MAD1L1: variants seen among roughly 807,000 people sequenced by gnomAD.
The protein encoded by MAD1L1 is mitotic spindle assembly checkpoint protein MAD1.
A neutral mutation model predicts 96.9 loss-of-function variants in MAD1L1; 95 were observed. The observed-to-expected ratio is 0.98, with a 90% CI of 0.83 to 1.16. MAD1L1 has a LOEUF of 1.16. Among genes scored for constraint, MAD1L1 ranks in the 50% most tolerant of loss-of-function variants. MAD1L1 has a pLI of 0.00. For missense variants in MAD1L1, 1,007 were observed against 954.4 expected (o/e 1.06, Z -0.73); for synonymous variants, 473 against 396.6 (o/e 1.19, Z -2.29).
At chr7:2,231,290 A>G (rs537612810) in intron 1 of MAD1L1, among the ~76,000 whole-genome samples, 113 of 151,324 alleles carry the variant, frequency 7.5e-4, no homozygotes, top group African/African-American at 2.5e-3. Context: ...GGGGTGAGAC[A>G]GTGTCTCAAA....
chr7:1,902,289 G>A (rs775756474), intron 17 of MAD1L1, among the ~76,000 whole-genome samples: 9 of 152,186 alleles, frequency 5.9e-5, no homozygotes, highest in African/African-American at 9.7e-5. Flanking sequence ...ACTGAGGGCC[G>A]GGATGTCAGG....
chr7:2,124,587 ACT>A (rs1394274490), intron 11 of MAD1L1, among the ~76,000 whole-genome samples: 1 of 152,006 alleles, frequency 6.6e-6, no homozygotes, highest in Non-Finnish European at 1.5e-5. Flanking sequence ...GGCTAGGAAG[ACT>A]CTGGCAGAGA....
chr7:2,167,558 T>A (rs1425639184), intron 10 of MAD1L1, among the ~76,000 whole-genome samples: 1 of 150,744 alleles, frequency 6.6e-6, no homozygotes, highest in African/African-American at 2.4e-5. Flanking sequence ...CAAAAAATAA[T>A]AATAATAATA....
intron 9 of MAD1L1, 148 bp from the exon 10 acceptor site, chr7:2,213,421 T>A: frequency 2.8e-6 from 2 of 711,224 alleles, no homozygotes; most frequent in Non-Finnish European, 4.9e-6. Flanking sequence ...GCTCCAAGTC[T>A]GCTTGGAAGT....
chr7:2,125,371 G>A (rs965461772), intron 11 of MAD1L1, among the ~76,000 whole-genome samples: 2 of 152,128 alleles, frequency 1.3e-5, no homozygotes, highest in African/African-American at 2.4e-5. Context: ...AGCCACCCAC[G>A]CATCCTTCCT....
intron 10 of MAD1L1, among the ~76,000 whole-genome samples, chr7:2,194,411 G>A (rs866379742): frequency 2.6e-5 from 4 of 152,114 alleles, no homozygotes; most frequent in Non-Finnish European, 5.9e-5. Flanking sequence ...ATTCATTTAC[G>A]CACTGTCTAC....
chr7:2,169,273 C>G (rs779905587), intron 10 of MAD1L1, among the ~76,000 whole-genome samples: 3 of 152,126 alleles, frequency 2.0e-5, no homozygotes, highest in Non-Finnish European at 4.4e-5. Flanking sequence ...CTCCTAAGAG[C>G]GGGTAGGGAT....
At chr7:2,002,254 G>T in intron 13 of MAD1L1, 133 bp from the exon 14 acceptor site, 1 of 824,004 alleles carries the variant, frequency 1.2e-6, no homozygotes, top group Non-Finnish European at 2.0e-6. Context: ...GAGCTGGGAA[G>T]TGGGCAGCCA....
At chr7:1,986,802 G>A (rs946925710) in intron 14 of MAD1L1, among the ~76,000 whole-genome samples, 4 of 152,140 alleles carry the variant, frequency 2.6e-5, no homozygotes, top group African/African-American at 9.7e-5. Context: ...ACAATGTTCA[G>A]AGCAAAAAAT....
intron 10 of MAD1L1, among the ~76,000 whole-genome samples, chr7:2,162,164 AAAAG>A (rs1226181028): frequency 6.6e-6 from 1 of 152,234 alleles, no homozygotes; most frequent in Non-Finnish European, 1.5e-5. Flanking sequence ...AAATGTGGGG[AAAAG>A]AAAGAGAGAT....
At chr7:2,138,708 C>T (rs1388050689) in intron 11 of MAD1L1, among the ~76,000 whole-genome samples, 1 of 152,188 alleles carries the variant, frequency 6.6e-6, no homozygotes, top group East Asian at 1.9e-4. Context: ...ACTCCGCTGC[C>T]TTCCCCCAGG....
intron 18 of MAD1L1, among the ~76,000 whole-genome samples, chr7:1,890,420 G>A (rs1786465771): frequency 6.6e-6 from 1 of 152,226 alleles, no homozygotes; most frequent in Admixed American, 6.5e-5. Flanking sequence ...CTCCTGCCAT[G>A]TGATCTCTGC....
chr7:1,977,014 C>T (rs1425275894), intron 15 of MAD1L1, among the ~76,000 whole-genome samples: 2 of 152,264 alleles, frequency 1.3e-5, no homozygotes, highest in Non-Finnish European at 2.9e-5. Context: ...AAAATTTCTC[C>T]AAGTCCCCAC....
intron 16 of MAD1L1, among the ~76,000 whole-genome samples, chr7:1,953,630 G>A (rs1779597903): frequency 6.6e-6 from 1 of 152,290 alleles, no homozygotes; most frequent in Non-Finnish European, 1.5e-5. Context: ...GAATAAAGTG[G>A]CGCGGCGGCT....
intron 14 of MAD1L1, among the ~76,000 whole-genome samples, chr7:1,987,492 C>T (rs992240771): frequency 3.9e-5 from 6 of 152,060 alleles, no homozygotes; most frequent in African/African-American, 7.3e-5. Flanking sequence ...ACACAAGCCC[C>T]GGAGTCTGCT....
At chr7:1,975,598 T>C (rs976470166) in intron 15 of MAD1L1, among the ~76,000 whole-genome samples, 1 of 152,178 alleles carries the variant, frequency 6.6e-6, no homozygotes, top group African/African-American at 2.4e-5. Flanking sequence ...CGGTGTTTAA[T>C]GGAGATTTGT....
At chr7:2,161,808 G>C (rs1464137692) in intron 10 of MAD1L1, among the ~76,000 whole-genome samples, 1 of 152,044 alleles carries the variant, frequency 6.6e-6, no homozygotes, top group African/African-American at 2.4e-5. Context: ...CCCCGTCTGG[G>C]AGGTGAGGAG....
chr7:2,213,553 G>C (rs1793097606), intron 9 of MAD1L1, among the ~76,000 whole-genome samples: 1 of 152,184 alleles, frequency 6.6e-6, no homozygotes, highest in Non-Finnish European at 1.5e-5. Context: ...GCTGTGGAGG[G>C]AGAAGGCAGA....
intron 12 of MAD1L1, among the ~76,000 whole-genome samples, chr7:2,061,191 G>T (rs1784645474): frequency 6.6e-6 from 1 of 152,118 alleles, no homozygotes; most frequent in Non-Finnish European, 1.5e-5. Context: ...ACAAAACTTA[G>T]CTGGGCGTGC....
Sources: gnomAD v4.1 joint callset for allele counts (sites outside exome capture counted in the v4.1 genomes callset) on GRCh38, gnomAD v4.1.1 for gene constraint, MANE v1.5 for transcripts, NCBI Gene and HGNC (gene_info 2026-07-23, HGNC 2026-07-21) for gene names.